The following NRG3 variants were observed in gnomAD, a reference collection of about 807,000 sequenced individuals.
NRG3 encodes pro-neuregulin-3, membrane-bound isoform.
Under a neutral mutation model 66.9 loss-of-function variants are expected in NRG3, and 31 were observed. The ratio of observed to expected loss-of-function variants is 0.46; its 90% confidence interval spans 0.35 to 0.63. The LOEUF (loss-of-function observed/expected upper bound fraction) is 0.63, where lower values mean the gene tolerates loss of function less well. NRG3 is among the 20% of genes least tolerant of loss of function. The pLI is 0.00. For synonymous variants in NRG3, 393 were observed against 359.4 expected (o/e 1.09, Z -1.06); for missense variants, 910 against 878.9 (o/e 1.04, Z -0.45).
intron 4 of NRG3, among the ~76,000 whole-genome samples, chr10:82,895,558 T>C (rs1463306148): frequency 2.0e-5 from 3 of 148,162 alleles, no homozygotes; most frequent in African/African-American, 7.5e-5. Flanking sequence ...TGGCACGATC[T>C]CGGCTCACTG....
chr10:82,501,778 T>A (rs1366979676), intron 2 of NRG3, among the ~76,000 whole-genome samples: 1 of 152,188 alleles, frequency 6.6e-6, no homozygotes. Context: ...AAATGGGACT[T>A]TTTAGTTCTA....
intron 1 of NRG3, among the ~76,000 whole-genome samples, chr10:81,983,599 G>A (rs897347485): frequency 6.6e-6 from 1 of 152,208 alleles, no homozygotes; most frequent in East Asian, 1.9e-4. Context: ...ACTACCTACT[G>A]TGTTCTAGGC....
chr10:82,033,982 C>A lies in NRG3; in HGVS notation c.823+157819C>A, dbSNP rs117073855. ...AAAAGTGGAAAGTTTTGCATAAGCACAAGTAATGATCTTTAACTACCTTAG... is the reference window on the plus strand; with the variant it reads ...AAAAGTGGAAAGTTTTGCATAAGCAAAAGTAATGATCTTTAACTACCTTAG... On this transcript the variant is annotated intron_variant, in intron 1 of 8. Transcript: ENST00000372141. Among the ~76,000 whole-genome samples the A allele has an allele frequency of 3.3e-5, 5 of 152,228 alleles. No individual in the cohort carries two copies. The East Asian group carries it at 9.7e-4, about 30-fold the overall frequency.
chr10:82,730,086 T>TC (rs1565250448), intron 2 of NRG3, among the ~76,000 whole-genome samples: 1 of 147,240 alleles, frequency 6.8e-6, no homozygotes, highest in East Asian at 2.0e-4. Flanking sequence ...TTTTTTTTTT[T>TC]CCTTTTTTTT....
chr10:82,226,486 G>T (rs1295808582), intron 1 of NRG3, among the ~76,000 whole-genome samples: 1 of 152,038 alleles, frequency 6.6e-6, no homozygotes, highest in Non-Finnish European at 1.5e-5. Flanking sequence ...GTACCTATTA[G>T]CTATTTGAAC....
intron 1 of NRG3, among the ~76,000 whole-genome samples, chr10:82,167,638 G>T (rs2072195272): frequency 6.6e-6 from 1 of 151,958 alleles, no homozygotes; most frequent in African/African-American, 2.4e-5. Flanking sequence ...TAGCACACAT[G>T]GGCTCAGCCA....
At chr10:82,515,105 C>A (rs1845527481) in intron 2 of NRG3, among the ~76,000 whole-genome samples, 1 of 152,092 alleles carries the variant, frequency 6.6e-6, no homozygotes, top group Non-Finnish European at 1.5e-5. Context: ...TTTTGCTAGT[C>A]TGTTGGAGAT....
intron 2 of NRG3, among the ~76,000 whole-genome samples, chr10:82,514,033 GTTGT>G (rs1845434557): frequency 6.6e-6 from 1 of 152,034 alleles, no homozygotes; most frequent in African/African-American, 2.4e-5. Context: ...TTTAAATGAG[GTTGT>G]TTGTTTTTTC....
chr10:82,984,159 A>G (rs1341465925), intron 8 of NRG3, among the ~76,000 whole-genome samples: 2 of 152,194 alleles, frequency 1.3e-5, no homozygotes, highest in Admixed American at 1.3e-4. Context: ...ATAAAACACT[A>G]CTGTTCAAGT....
chr10:82,906,029 A>G (rs1275643392), intron 4 of NRG3, among the ~76,000 whole-genome samples: 2 of 152,126 alleles, frequency 1.3e-5, no homozygotes, highest in African/African-American at 4.8e-5. Context: ...AAAAATATCA[A>G]ACATGGCCTT....
chr10:82,350,961 G>A (rs924314052), intron 1 of NRG3, among the ~76,000 whole-genome samples: 3 of 151,654 alleles, frequency 2.0e-5, no homozygotes, highest in Admixed American at 6.6e-5. Flanking sequence ...GCGCGATCTC[G>A]GCTCACTGCA....
intron 1 of NRG3, among the ~76,000 whole-genome samples, chr10:82,137,810 T>A (rs545431391): frequency 6.6e-5 from 10 of 152,296 alleles, no homozygotes; most frequent in African/African-American, 2.4e-4. Flanking sequence ...ACAGACAGAA[T>A]GTTAAGGGTT....
intron 2 of NRG3, among the ~76,000 whole-genome samples, chr10:82,488,027 T>G (rs1382343491): frequency 6.6e-6 from 1 of 152,204 alleles, no homozygotes; most frequent in Non-Finnish European, 1.5e-5. Flanking sequence ...TCAAGGCTAT[T>G]GAAAATAAGA....
At chr10:82,164,610 G>A (rs550941599) in intron 1 of NRG3, among the ~76,000 whole-genome samples, 86 of 152,270 alleles carry the variant, frequency 5.6e-4, no homozygotes, top group African/African-American at 2.0e-3. Context: ...TATGGAGAAT[G>A]GATTTTAGAG....
chr10:81,876,878 T>C (rs1841714647), intron 1 of NRG3, among the ~76,000 whole-genome samples: 1 of 151,708 alleles, frequency 6.6e-6, no homozygotes, highest in Admixed American at 6.6e-5. Context: ...TAGGAGGAAA[T>C]ATGAAGGGAG....
At chr10:81,975,802 A>T (rs1461319443) in intron 1 of NRG3, among the ~76,000 whole-genome samples, 2 of 152,206 alleles carry the variant, frequency 1.3e-5, no homozygotes, top group African/African-American at 4.8e-5. Flanking sequence ...GCTGGCCTTA[A>T]GATAAAGAGA....
chr10:82,772,664 T>C (rs946468281), intron 3 of NRG3, among the ~76,000 whole-genome samples: 8 of 151,990 alleles, frequency 5.3e-5, no homozygotes, highest in African/African-American at 1.9e-4. Flanking sequence ...AACGTCTTCC[T>C]TTTAAAGTAT....
chr10:81,922,502 T>A (rs1465708454), intron 1 of NRG3, among the ~76,000 whole-genome samples: 1 of 152,230 alleles, frequency 6.6e-6, no homozygotes, highest in African/African-American at 2.4e-5. Context: ...AGTGTGAACA[T>A]GCAGTATTTG....
chr10:82,775,919 T>G (rs544036249), intron 3 of NRG3, among the ~76,000 whole-genome samples: 1 of 152,326 alleles, frequency 6.6e-6, no homozygotes, highest in South Asian at 2.1e-4. Flanking sequence ...GCTATAATTG[T>G]GACCATTTTG....
Sources: gnomAD v4.1 joint callset for allele counts (sites outside exome capture counted in the v4.1 genomes callset) on GRCh38, gnomAD v4.1.1 for gene constraint, MANE v1.5 for transcripts, NCBI Gene and HGNC (gene_info 2026-07-23, HGNC 2026-07-21) for gene names.